The following FHL1 variants were observed in gnomAD, a reference collection of about 807,000 sequenced individuals.
FHL1 encodes four and a half LIM domains protein 1.
FHL1 carries 1 observed loss-of-function variant against 20.3 expected under a neutral mutation model. The ratio of observed to expected loss-of-function variants is 0.05; its 90% CI spans 0.02 to 0.23. The LOEUF is 0.23. Among genes scored for constraint, FHL1 ranks in the 10% least tolerant of loss-of-function variants. The pLI is 1.00. For synonymous variants in FHL1, 82 were observed against 88.9 expected (o/e 0.92, Z 0.44); for missense variants, 177 against 234.0 (o/e 0.76, Z 1.59).
At chrX:136,162,665 T>C (rs2072604040) in intron 1 of FHL1, among the ~76,000 whole-genome samples, 1 of 111,453 alleles carries the variant, frequency 9.0e-6, no homozygotes, top group Admixed American at 9.5e-5. Context: ...ACGCTGGGGA[T>C]GGGGCCCCGC....
At chrX:136,201,419 A>G (rs746714919) in intron 1 of FHL1, among the ~76,000 whole-genome samples, 2 of 111,559 alleles carry the variant, frequency 1.8e-5, no homozygotes, top group Non-Finnish European at 3.8e-5. Flanking sequence ...GTGCATGCTT[A>G]CTTTAAGCGA....
upstream of FHL1, chrX:136,147,019 G>T (rs1365785154): frequency 1.0e-5 from 3 of 292,276 alleles, no homozygotes; most frequent in African/African-American, 5.5e-5. Flanking sequence ...GCAGGTTAGC[G>T]AGGACCCCGG....
At chrX:136,148,545 C>G (rs1193901714) in intron 1 of FHL1, 1 of 111,041 alleles carries the variant, frequency 9.0e-6, no homozygotes, top group Non-Finnish European at 1.9e-5. Context: ...AACGTGAAAT[C>G]CTTACAAGGT....
Position 136,208,601 on chromosome X carries a change from T to C in FHL1, c.696T>C (p.Phe232=), listed in dbSNP as rs758030097. The change falls in exon 5 of 6, where the codon TTT becomes TTC. Residue 232 remains phenylalanine (F), a synonymous_variant. Coordinates refer to ENST00000370683, the MANE Select transcript of FHL1 (RefSeq NM_001159699.2). ...QYYCVDCYKN[F]VAKKCAGCKN... ...ACTGCGTGGATTGCTACAAGAACTT[T>C]GTGGCCAAGAAGTGTGCTGGATGCA... 9.9e-6 allele frequency: 12 copies of C among 1,209,564 alleles called. No individual in the cohort carries two copies. The highest frequency in any genetic ancestry group is 1.8e-5 in the African/African-American group (1 of 56,958).
chrX:136,202,451 G>A (rs1344525877), intron 1 of FHL1, among the ~76,000 whole-genome samples: 1 of 111,472 alleles, frequency 9.0e-6, no homozygotes, highest in African/African-American at 3.3e-5. Context: ...GGATGGACGC[G>A]GTGGCTCATG....
chrX:136,208,001 A>G, intron 4 of FHL1, 40 bp downstream of exon 4: 1 of 1,201,138 alleles, frequency 8.3e-7, no homozygotes. Flanking sequence ...CGTTGTTTCT[A>G]GAAGTGTTTG....
rs769291290 is a variant in FHL1 at position 136,210,955 on chromosome X, G to A, written c.*930G>A. On this transcript the variant is annotated 3_prime_UTR_variant, in exon 6 of 6. Coordinates refer to ENST00000370683, the MANE Select transcript of FHL1 (RefSeq NM_001159699.2). ...ACCGCAAAACTCTAGAGGGGGAGTT[G>A]AGCAGGCGCCAGGGCTGTCATCAAC... The A allele has an allele frequency of 4.2e-5, 16 of 379,821 alleles. No homozygotes were observed. The highest frequency in any genetic ancestry group is 7.9e-5 in the Non-Finnish European group (16 of 201,606). The allele number at this position is 379,821 out of a possible 1,213,427, so 31.3% of individuals were successfully genotyped here.
In FHL1 at chrX:136,211,160, C is replaced by T; in HGVS notation, c.*1135C>T. 1 of 370,941 alleles carries T rather than the reference C, an allele frequency of 2.7e-6. No individual in the cohort carries two copies. Among genetic ancestry groups the T allele is most frequent in the Non-Finnish European group, 5.1e-6 (1 of 195,125 alleles). The allele number at this position is 370,941 out of a possible 1,213,427, so 30.6% of individuals were successfully genotyped here. A position where few individuals can be genotyped will look rare whatever the true frequency, so the allele number is the denominator to read the frequency against. On this transcript the variant is annotated 3_prime_UTR_variant, in exon 6 of 6. Transcript: ENST00000370683. ...CTTACCTGAAATGCAGGATCACCTA[C>T]TTACTGTATTCTACATTATTATATG...
intron 2 of FHL1, chrX:136,170,049 G>A (rs2072820379): frequency 1.6e-5 from 5 of 303,418 alleles, no homozygotes; most frequent in South Asian, 1.1e-4. Context: ...TATTAGGGGC[G>A]GCATTGTACA....
chrX:136,172,086 GT>G (rs2072885843), intron 2 of FHL1, among the ~76,000 whole-genome samples: 1 of 110,980 alleles, frequency 9.0e-6, no homozygotes, highest in Non-Finnish European at 1.9e-5. Context: ...TAGAGACAGG[GT>G]TTCATCATGT....
intron 1 of FHL1, among the ~76,000 whole-genome samples, chrX:136,155,445 C>T (rs550093103): frequency 8.9e-6 from 1 of 112,147 alleles, no homozygotes; most frequent in Admixed American, 9.4e-5. Flanking sequence ...AACTTGTGAA[C>T]ACAAAATCAT....
intron 1 of FHL1, among the ~76,000 whole-genome samples, chrX:136,156,381 A>G (rs1314376684): frequency 9.3e-6 from 1 of 107,483 alleles, no homozygotes; most frequent in African/African-American, 3.4e-5. Context: ...CTCCGGGTTC[A>G]AGCGATTCTC....
At chrX:136,146,883 C>G (rs1289777656), upstream of FHL1, 2 of 327,927 alleles carry the variant, frequency 6.1e-6, no homozygotes, top group African/African-American at 5.3e-5. Context: ...ATTTAGCTCC[C>G]TCCGGCTTGC....
intron 2 of FHL1, among the ~76,000 whole-genome samples, chrX:136,186,853 CA>C (rs1158651934): frequency 0.061 from 1,314 of 21,560 alleles, 37 homozygotes; most frequent in African/African-American, 0.13. Context: ...GACTCCATCT[CA>C]AAAAAAAAAA....
intron 2 of FHL1, among the ~76,000 whole-genome samples, chrX:136,176,041 T>C (rs922007587): frequency 8.9e-6 from 1 of 112,260 alleles, no homozygotes; most frequent in South Asian, 3.7e-4. Context: ...TTCTCGCTTG[T>C]TGTGTTTCAT....
At chrX:136,191,921 T>A (rs2073438651) in intron 2 of FHL1, among the ~76,000 whole-genome samples, 1 of 111,862 alleles carries the variant, frequency 8.9e-6, no homozygotes, top group South Asian at 3.7e-4. Flanking sequence ...GTGGGCTTGG[T>A]GAATGCCAGG....
intron 2 of FHL1, among the ~76,000 whole-genome samples, chrX:136,183,173 TG>T (rs1339508786): frequency 9.0e-6 from 1 of 110,670 alleles, no homozygotes; most frequent in African/African-American, 3.3e-5. Flanking sequence ...TTGGGGGATG[TG>T]GGTGGGAAAC....
chrX:136,196,947 G>T, upstream of FHL1: 2 of 1,069,087 alleles, frequency 1.9e-6, no homozygotes, highest in East Asian at 3.1e-5. Flanking sequence ...ATTTTCTAGT[G>T]GGATTAAGGT....
chrX:136,176,796 A>C (rs2073014098), intron 2 of FHL1, among the ~76,000 whole-genome samples: 1 of 111,373 alleles, frequency 9.0e-6, no homozygotes, highest in Non-Finnish European at 1.9e-5. Flanking sequence ...CTGGGATTTA[A>C]TGGACTTAGT....
Sources: gnomAD v4.1 joint callset for allele counts (sites outside exome capture counted in the v4.1 genomes callset) on GRCh38, gnomAD v4.1.1 for gene constraint, MANE v1.5 for transcripts, NCBI Gene and HGNC (gene_info 2026-07-23, HGNC 2026-07-21) for gene names.